ANGPT4: variants seen among roughly 807,000 people sequenced by gnomAD.
ANGPT4 encodes the protein angiopoietin 4, also known as angiopoietin-4.
In ANGPT4, 50 loss-of-function variants were observed where a neutral mutation model predicts 53.0. That is an observed-to-expected ratio of 0.94 (90% confidence interval 0.75 to 1.20). The LOEUF (loss-of-function observed/expected upper bound fraction) is 1.20. Ranked by LOEUF, ANGPT4 falls within the 50% of genes most tolerant of loss-of-function variation. ANGPT4 has a pLI of 0.00. For synonymous variants in ANGPT4, 251 were observed against 259.7 expected, an observed-to-expected ratio of 0.97 and a Z score of 0.32; for missense variants, 648 against 637.1, an observed-to-expected ratio of 1.02 and a Z score of -0.18.
chr20:888,472 G>A lies in ANGPT4; in HGVS notation c.466-33C>T, dbSNP rs919007366. 3.4e-5 allele frequency: 54 copies of A among 1,598,154 alleles called. No homozygotes were observed. In the Admixed American group the frequency reaches 7.4e-4, roughly 22 times the overall value. On this transcript the variant is annotated intron_variant, in intron 2 of 8. Coordinates refer to ENST00000381922, the MANE Select transcript of ANGPT4 (RefSeq NM_015985.4). Reference sequence around the variant, plus strand: ...AGCAAGCAGAAGCAGGTAGGGGGCTGCGTAAGCGCTACAGGAGCCCTGCCC... The same window carrying A: ...AGCAAGCAGAAGCAGGTAGGGGGCTACGTAAGCGCTACAGGAGCCCTGCCC...
chr20:892,584 G>A (rs1981888583), intron 1 of ANGPT4, among the ~76,000 whole-genome samples: 1 of 135,184 alleles, frequency 7.4e-6, no homozygotes. Flanking sequence ...AACAGAGTGA[G>A]ACCGTGTCTC....
At chr20:915,656 T>C (rs502522) in intron 1 of ANGPT4, among the ~76,000 whole-genome samples, 103,219 of 152,070 alleles carry the variant, frequency 0.68, 35,338 homozygotes, top group East Asian at 0.87. Context: ...GCTTGGTCCG[T>C]TCAGCCCTTG....
rs777121465 is a variant in ANGPT4 at position 914,040 on chromosome 20, C to T, written c.309+1866G>A. ...CATCAATGCCAATTTTGTGTCATCA[C>T]GGAGCAGGATGGAGACCTGGGACCT... On this transcript the variant is annotated intron_variant, in intron 1 of 8. Coordinates refer to ENST00000381922, the MANE Select transcript of ANGPT4 (RefSeq NM_015985.4). The surrounding 1 kb of genome is among the most constrained non-coding windows in gnomAD (Gnocchi z 5.0). 3.9e-4 allele frequency among the ~76,000 whole-genome samples: 60 copies of T among 152,214 alleles called. No individual in the cohort carries two copies. The highest frequency in any genetic ancestry group is 4.1e-4 in the Non-Finnish European group (28 of 68,016).
chr20:892,509 T>A (rs566728756), intron 1 of ANGPT4, among the ~76,000 whole-genome samples: 19 of 151,390 alleles, frequency 1.3e-4, no homozygotes, highest in South Asian at 1.0e-3. Context: ...GGCAGGAGGA[T>A]CGCTGGAGCC....
chr20:903,620 T>C (rs560080012), intron 1 of ANGPT4, among the ~76,000 whole-genome samples: 1 of 152,308 alleles, frequency 6.6e-6, no homozygotes, highest in East Asian at 1.9e-4. Flanking sequence ...ATTCCTTTAG[T>C]GAAGAACAAA....
At chr20:876,203 G>A (rs1981166974) in intron 7 of ANGPT4, among the ~76,000 whole-genome samples, 1 of 151,508 alleles carries the variant, frequency 6.6e-6, no homozygotes, top group African/African-American at 2.4e-5. Context: ...GGTGGCAGAT[G>A]TGGCCAGGGC....
rs746429080 is a variant in ANGPT4 at position 879,855 on chromosome 20, G to T, written c.952-7C>A. 8.7e-6 allele frequency: 14 copies of T among 1,609,246 alleles called. No individual in the cohort carries two copies. The highest frequency in any genetic ancestry group is 1.1e-5 in the Non-Finnish European group (13 of 1,177,316). On this transcript the variant is annotated splice_region_variant and splice_polypyrimidine_tract_variant and intron_variant, in intron 5 of 8. Coordinates refer to ENST00000381922, the MANE Select transcript of ANGPT4 (RefSeq NM_015985.4). ...TCTGCAGGTCACAGAACACCTGGAG[G>T]GGGTGGGCAAGGCACAGCTGGGAGC...
intron 1 of ANGPT4, among the ~76,000 whole-genome samples, chr20:892,799 T>C (rs544930135): frequency 6.6e-6 from 1 of 152,236 alleles, no homozygotes; most frequent in East Asian, 1.9e-4. Flanking sequence ...CCCAAATAGC[T>C]GGGACGACAG....
chr20:900,831 T>C lies in ANGPT4; in HGVS notation c.310-10463A>G, dbSNP rs373034618. Among the ~76,000 whole-genome samples the C allele has an allele frequency of 2.9e-4, 44 of 151,786 alleles. 1 individual carries two copies. In the South Asian group the frequency reaches 8.3e-3, roughly 29 times the overall value. On this transcript the variant is annotated intron_variant, in intron 1 of 8. Coordinates refer to ENST00000381922, the MANE Select transcript of ANGPT4 (RefSeq NM_015985.4). ...ACACTGAACCCCCTTGGACACTCTC[T>C]AATTGGATGTCCTAGGTCCTCTCAA...
chr20:898,055 C>G (rs1982124010), intron 1 of ANGPT4, among the ~76,000 whole-genome samples: 2 of 152,234 alleles, frequency 1.3e-5, no homozygotes, highest in East Asian at 1.9e-4. Flanking sequence ...TCCCTAGTCT[C>G]TGCTCCCAAA....
chr20:910,847 C>A (rs1568861008), intron 1 of ANGPT4, among the ~76,000 whole-genome samples: 1 of 152,106 alleles, frequency 6.6e-6, no homozygotes, highest in Non-Finnish European at 1.5e-5. Context: ...CAGGCATGAG[C>A]CAGCTGGTCA....
rs182452941 is a variant in ANGPT4 at position 871,125 on chromosome 20, C to G, written c.*1835G>C. ...TCTGCTGGGCAAATGCTGCTTAAGGCGATTTGAGCTCTCTGGGCAGCAATC... is the reference window on the plus strand; with the variant it reads ...TCTGCTGGGCAAATGCTGCTTAAGGGGATTTGAGCTCTCTGGGCAGCAATC... On this transcript the variant is annotated 3_prime_UTR_variant, in exon 9 of 9. Coordinates refer to ENST00000381922, the MANE Select transcript of ANGPT4 (RefSeq NM_015985.4). 15 of 152,378 alleles carry G rather than the reference C, an allele frequency of 9.8e-5. No individual in the cohort carries two copies. Among genetic ancestry groups the G allele is most frequent in the Admixed American group, 9.1e-4 (14 of 15,308 alleles). The allele number at this position is 152,378 out of a possible 1,614,324, so 9.4% of individuals were successfully genotyped here. A position where few individuals can be genotyped will look rare whatever the true frequency, so the allele number is the denominator to read the frequency against.
chr20:891,564 C>T (rs575141137), intron 1 of ANGPT4, among the ~76,000 whole-genome samples: 2 of 152,222 alleles, frequency 1.3e-5, no homozygotes, highest in African/African-American at 2.4e-5. Context: ...CCATGCCCCC[C>T]ACCCCTGTCC....
Position 885,292 on chromosome 20 carries a change from G to T in ANGPT4, c.621C>A (p.Thr207=). The T allele has an allele frequency of 6.3e-7, 1 of 1,584,864 alleles. No individual in the cohort carries two copies. ...ALEKRLQALE[T]KQQEELASIL... is the part of the protein sequence containing the mutation. ...TGCTGGCCAGCTCCTCCTGCTGCTT[G>T]GTCTCCAGGGCCTGCAACCGCTTCT... Residue 207 remains threonine, a synonymous_variant, in exon 4 of 9, where the codon ACC becomes ACA. Transcript: ENST00000381922.
rs200190229 is a variant in ANGPT4 at position 899,253 on chromosome 20, T to A, written c.310-8885A>T. Among the ~76,000 whole-genome samples, 398 of 149,638 alleles carry A rather than the reference T, an allele frequency of 2.7e-3. 7 individuals carry two copies. The highest frequency in any genetic ancestry group is 0.026 in the East Asian group (131 of 5,124). On this transcript the variant is annotated intron_variant, in intron 1 of 8. Coordinates refer to ENST00000381922, the MANE Select transcript of ANGPT4 (RefSeq NM_015985.4). ...GCTTTGGTGCCAACTGGGACAAAAT[T>A]TTTTTTTTTTTTGAGATGGAGTCTC...
In ANGPT4 at chr20:885,134, T is replaced by C. The variant is rs753308902; in HGVS notation, c.779A>G (p.Gln260Arg). The change falls in exon 4 of 9, where the codon CAG becomes CGG. Residue 260 changes from glutamine (Q) to arginine (R), a missense_variant. Gln to Arg is a conservative substitution (Grantham distance 43). Transcript: ENST00000381922. ...LLQDQQHSLR[Q>R]LLVLLRHLVQ... ...CAGGTGCCGCAACAACACCAGCAGC[T>C]GGCGCAGGCTGTGCTGCTGGTCCTG... 3.1e-6 allele frequency: 5 copies of C among 1,612,770 alleles called. No homozygotes were observed. Among genetic ancestry groups the C allele is most frequent in the South Asian group, 2.2e-5 (2 of 90,782 alleles).
chr20:913,719 C>G (rs929843922), intron 1 of ANGPT4, among the ~76,000 whole-genome samples: 3 of 152,210 alleles, frequency 2.0e-5, no homozygotes, highest in Admixed American at 2.0e-4. Context: ...GAGGTGATGA[C>G]AGCATCCTGG....
At chr20:874,446 AG>A in intron 7 of ANGPT4, 32 bp from the exon 8 acceptor site, 1 of 1,611,674 alleles carries the variant, frequency 6.2e-7, no homozygotes, top group East Asian at 2.2e-5. Context: ...TGGTGGCAGA[AG>A]GGCCCAGAGT....
At chr20:885,912 T>C (rs1156778208) in intron 3 of ANGPT4, among the ~76,000 whole-genome samples, 1 of 152,016 alleles carries the variant, frequency 6.6e-6, no homozygotes. Context: ...GGGGTGAACA[T>C]ATAGGAGAAG....
Sources: allele counts gnomAD v4.1 joint callset (sites outside exome capture counted in the v4.1 genomes callset), GRCh38; gene constraint gnomAD v4.1.1; non-coding constraint Gnocchi (gnomAD v3.1); transcripts MANE v1.5; gene names NCBI Gene and HGNC (gene_info 2026-07-23, HGNC 2026-07-21).